Variants in KIAA1549 observed in about 807,000 individuals in gnomAD.
KIAA1549 encodes the protein UPF0606 protein KIAA1549.
KIAA1549 carries 70 observed loss-of-function variants against 156.4 expected under a neutral mutation model. The observed-to-expected ratio is 0.45, with a 90% CI of 0.37 to 0.55. The LOEUF (loss-of-function observed/expected upper bound fraction) is 0.55. KIAA1549 is among the 20% of genes least tolerant of loss of function. The pLI is 0.00. For missense variants in KIAA1549, 2,428 were observed against 2,540.9 expected (o/e 0.96, Z 0.96); for synonymous variants, 1,103 against 1,066.4 (o/e 1.03, Z -0.67).
chr7:138,881,528 GTGCTGACCCAGA>G lies in KIAA1549; in HGVS notation c.4077_4088del (p.Leu1360_His1363del). ...GAATAATCAATATGTCGTCTTTATT[GTGCTGACCCAGA>G]TGCTGCTTAGCAAAATCGAAGCCCT... On this transcript the variant is annotated inframe_deletion, in exon 11 of 20. Transcript: ENST00000422774. 1 of 1,613,972 alleles carries G rather than the reference GTGCTGACCCAGA, an allele frequency of 6.2e-7. No homozygotes were observed. Among genetic ancestry groups the G allele is most frequent in the Non-Finnish European group, 8.5e-7 (1 of 1,179,892 alleles).
At chr7:138,942,037 C>G (rs1813198110) in intron 1 of KIAA1549, among the ~76,000 whole-genome samples, 1 of 152,154 alleles carries the variant, frequency 6.6e-6, no homozygotes, top group South Asian at 2.1e-4. Context: ...CCACCCTCTC[C>G]CAGGTGCTAT....
At chr7:138,945,710 G>C (rs1468261987) in intron 1 of KIAA1549, among the ~76,000 whole-genome samples, 1 of 152,184 alleles carries the variant, frequency 6.6e-6, no homozygotes. Context: ...TTTTTTTATA[G>C]GCATATTAAA....
intron 1 of KIAA1549, among the ~76,000 whole-genome samples, chr7:138,976,631 T>C (rs966335259): frequency 2.6e-5 from 4 of 152,184 alleles, no homozygotes; most frequent in African/African-American, 9.7e-5. Flanking sequence ...TATGTACATA[T>C]AGGAAAAAAC....
At chr7:138,869,393 T>C in intron 14 of KIAA1549, 145 bp downstream of exon 14, 1 of 664,060 alleles carries the variant, frequency 1.5e-6, no homozygotes, top group Non-Finnish European at 2.6e-6. Flanking sequence ...CCCCTTCAAC[T>C]GTCTTCAGAG....
chr7:138,978,901 C>A (rs943898587), intron 1 of KIAA1549, among the ~76,000 whole-genome samples: 2 of 152,336 alleles, frequency 1.3e-5, no homozygotes, highest in Non-Finnish European at 1.5e-5. Flanking sequence ...CTACACACAC[C>A]CTAGCTACAT....
rs773490608 is a variant in KIAA1549, at chr7:138,838,023, G to T, written c.5736C>A (p.Thr1912=). The T allele has an allele frequency of 2.5e-6, 4 of 1,609,402 alleles. No homozygotes were observed. The highest frequency in any genetic ancestry group is 1.6e-4 in the Middle Eastern group (1 of 6,078). The change falls in exon 20 of 20, where the codon ACC becomes ACA. Residue 1912 remains threonine (T), a synonymous_variant. Transcript: ENST00000422774. ...GLQGPGLGYP[T]SSTEDLQPGH... is the part of the protein sequence containing the mutation. ...CAGGCTGGAGGTCTTCCGTGGAGCT[G>T]GTGGGGTAACCCAGCCCAGGGCCCT...
At chr7:138,856,793 G>A (rs541779169) in intron 16 of KIAA1549, among the ~76,000 whole-genome samples, 1 of 152,296 alleles carries the variant, frequency 6.6e-6, no homozygotes, top group Admixed American at 6.5e-5. Context: ...ACCTGACTGT[G>A]CCACAGGACA....
intron 17 of KIAA1549, 69 bp downstream of exon 17, chr7:138,852,150 TAGTG>T: frequency 1.0e-6 from 1 of 995,372 alleles, no homozygotes; most frequent in Non-Finnish European, 1.6e-6. Flanking sequence ...TAGCTAAAAT[TAGTG>T]AGTTTATAAA....
intron 8 of KIAA1549, among the ~76,000 whole-genome samples, chr7:138,900,725 C>A (rs1811818032): frequency 6.6e-6 from 1 of 152,216 alleles, no homozygotes; most frequent in Non-Finnish European, 1.5e-5. Context: ...CCTGAGAGAG[C>A]TGGTGTTAGA....
chr7:138,907,311 C>G (rs553377320), intron 5 of KIAA1549, among the ~76,000 whole-genome samples: 6 of 152,298 alleles, frequency 3.9e-5, no homozygotes, highest in African/African-American at 1.4e-4. Context: ...AAGTGATGAA[C>G]TGAGCACATG....
chr7:138,954,107 G>C (rs1813585684), intron 1 of KIAA1549, among the ~76,000 whole-genome samples: 1 of 152,186 alleles, frequency 6.6e-6, no homozygotes, highest in African/African-American at 2.4e-5. Context: ...CAAGAAGTTA[G>C]ATTAGTAATA....
intron 15 of KIAA1549, among the ~76,000 whole-genome samples, chr7:138,863,329 G>A (rs185340708): frequency 7.2e-5 from 11 of 151,936 alleles, no homozygotes; most frequent in East Asian, 1.9e-4. Context: ...AGGGGCCAAC[G>A]AAGACATTCC....
intron 1 of KIAA1549, among the ~76,000 whole-genome samples, chr7:138,940,171 C>T (rs529814527): frequency 6.6e-6 from 1 of 151,982 alleles, no homozygotes; most frequent in African/African-American, 2.4e-5. Context: ...CCGCTCCCCC[C>T]ACCCCACAAC....
intron 1 of KIAA1549, among the ~76,000 whole-genome samples, chr7:138,950,133 T>C (rs1224332403): frequency 1.6e-4 from 24 of 152,220 alleles, no homozygotes; most frequent in Non-Finnish European, 5.9e-5. Context: ...TGAGAGTTTC[T>C]GAAGGGCAGG....
intron 16 of KIAA1549, among the ~76,000 whole-genome samples, chr7:138,854,996 C>G (rs1011952025): frequency 6.6e-6 from 1 of 152,148 alleles, no homozygotes; most frequent in South Asian, 2.1e-4. Flanking sequence ...ACAAACAAAA[C>G]GAAGATTCTG....
rs1250094829 is a variant in KIAA1549, at chr7:138,834,884, G to A, written c.*3022C>T. On this transcript the variant is annotated 3_prime_UTR_variant, in exon 20 of 20. Coordinates refer to ENST00000422774, the MANE Select transcript of KIAA1549 (RefSeq NM_001164665.2). ...ACAACTACGGTGCCTGGGAGGTGGC[G>A]GGGGAGGTCTGTTCTTGTTTGGCTT... 7 of 231,698 alleles carry A rather than the reference G, an allele frequency of 3.0e-5. No individual in the cohort carries two copies. Among genetic ancestry groups the A allele is most frequent in the East Asian group, 1.2e-4 (2 of 16,414 alleles). The allele number at this position is 231,698 out of a possible 1,614,324, so 14.4% of individuals were successfully genotyped here.
At position 138,833,303 on chromosome 7, in the gene KIAA1549, T is replaced by TTATA. The variant is rs1809594282; in HGVS notation, c.*4599_*4602dup. ...CTAGTGTGAAAGGGATGAGAGAGAC[T>TTATA]TATATAACAACTAATTTGTGAATTA... On this transcript the variant is annotated 3_prime_UTR_variant, in exon 20 of 20. Transcript: ENST00000422774. 1 of 232,654 alleles carries TTATA rather than the reference T, an allele frequency of 4.3e-6. No homozygotes were observed. Among genetic ancestry groups the TTATA allele is most frequent in the East Asian group, 6.1e-5 (1 of 16,502 alleles). 14.4% of individuals were successfully genotyped at this position (232,654 alleles called of 1,614,324 possible).
intron 1 of KIAA1549, among the ~76,000 whole-genome samples, chr7:138,932,936 C>T (rs17160621): frequency 0.12 from 18,974 of 152,062 alleles, 1,442 homozygotes; most frequent in South Asian, 0.2. Context: ...AACCTGCAAA[C>T]GTGAAGAGGA....
chr7:138,933,054 C>T (rs1812915797), intron 1 of KIAA1549, among the ~76,000 whole-genome samples: 1 of 152,122 alleles, frequency 6.6e-6, no homozygotes, highest in African/African-American at 2.4e-5. Flanking sequence ...AGAGACCAGG[C>T]ACGTGCAGGC....
Sources: allele counts gnomAD v4.1 joint callset (sites outside exome capture counted in the v4.1 genomes callset), GRCh38; gene constraint gnomAD v4.1.1; transcripts MANE v1.5; gene names NCBI Gene and HGNC (gene_info 2026-07-23, HGNC 2026-07-21).